The following YAE1 variants were observed in gnomAD, a reference collection of about 807,000 sequenced individuals.
YAE1 encodes protein YAE1 homolog.
In YAE1, 22 loss-of-function variants were observed where a neutral mutation model predicts 23.0. The ratio of observed to expected loss-of-function variants is 0.96; its 90% CI spans 0.68 to 1.37. The LOEUF (loss-of-function observed/expected upper bound fraction) is 1.37, where lower values mean the gene tolerates loss of function less well. YAE1 is among the 40% of genes most tolerant of loss of function. The probability of loss-of-function intolerance (pLI) is 0.00; values close to 1 mark genes in which losing one functional copy is unlikely to be tolerated. For synonymous variants in YAE1, 101 were observed against 97.0 expected (o/e 1.04, Z -0.24); for missense variants, 260 against 262.1 (o/e 0.99, Z 0.06).
Position 39,570,583 on chromosome 7 carries a change from T to G in YAE1, c.207T>G (p.Gly69=), listed in dbSNP as rs1336719981. 6.2e-7 allele frequency: 1 copy of G among 1,608,056 alleles called. No homozygotes were observed. The highest frequency in any genetic ancestry group is 1.1e-5 in the South Asian group (1 of 89,314). Residue 69 remains glycine (G), a synonymous_variant, in exon 2 of 3, where the codon GGT becomes GGG. Transcript: ENST00000223273. ...QQGFNQGYKK[G]AEVILNYGRL... ...GCTTCAATCAAGGTTATAAGAAAGG[T>G]GCAGAAGTCATTTTAAACTATGGAC...
intron 2 of YAE1, among the ~76,000 whole-genome samples, chr7:39,589,004 G>A (rs925683694): frequency 6.6e-6 from 1 of 151,894 alleles, no homozygotes; most frequent in Non-Finnish European, 1.5e-5. Flanking sequence ...TGTATTTTTA[G>A]TAGAGACAGG....
At chr7:39,593,279 G>A (rs190834296) in intron 2 of YAE1, among the ~76,000 whole-genome samples, 2 of 136,818 alleles carry the variant, frequency 1.5e-5, no homozygotes, top group Admixed American at 8.7e-5. Context: ...CTAAGTCCTG[G>A]GTTCGAGTTA....
At chr7:39,586,452 G>A (rs1171748554) in intron 2 of YAE1, among the ~76,000 whole-genome samples, 1 of 150,688 alleles carries the variant, frequency 6.6e-6, no homozygotes, top group Non-Finnish European at 1.5e-5. Flanking sequence ...GATTACAGGG[G>A]TGAGCCACCG....
intron 2 of YAE1, among the ~76,000 whole-genome samples, chr7:39,593,310 G>T (rs1019106070): frequency 3.4e-5 from 5 of 147,668 alleles, no homozygotes; most frequent in African/African-American, 1.3e-4. Flanking sequence ...TCAGCCTTCC[G>T]AGTAGCTGGA....
At chr7:39,591,803 G>T (rs933206528) in intron 2 of YAE1, among the ~76,000 whole-genome samples, 1 of 152,080 alleles carries the variant, frequency 6.6e-6, no homozygotes, top group Non-Finnish European at 1.5e-5. Context: ...TATTTCCACT[G>T]CCCTAAAAAA....
At position 39,587,142 on chromosome 7, in the gene YAE1, C is replaced by T. The variant is rs551213301; in HGVS notation, c.251+16515C>T. ...TGTGATCTTGGCTCACTGCAACCTC[C>T]GCCTCCCAGGTTGAAGTGATTCTCC... On this transcript the variant is annotated intron_variant, in intron 2 of 2. Coordinates refer to the YAE1 transcript ENST00000432096. 2.7e-4 allele frequency among the ~76,000 whole-genome samples: 41 copies of T among 151,936 alleles called. No homozygotes were observed. The East Asian group carries it at 7.6e-3, about 28-fold the overall frequency.
At chr7:39,576,482 C>T (rs1372442262), downstream of YAE1, among the ~76,000 whole-genome samples, 1 of 152,216 alleles carries the variant, frequency 6.6e-6, no homozygotes, top group African/African-American at 2.4e-5. Context: ...GCACACTACA[C>T]TTCTTTACAG....
rs539356692 is a variant in YAE1 at position 39,566,840 on chromosome 7, G to A, written c.129+293G>A. ...AGTTTGTTGAGGATCACAGGGAAAG[G>A]AGCTGGAGAGAAACATACACTATAC... On this transcript the variant is annotated intron_variant, in intron 1 of 2. Coordinates refer to ENST00000223273, the MANE Select transcript of YAE1 (RefSeq NM_020192.5). 208 of 318,384 alleles carry A rather than the reference G, an allele frequency of 6.5e-4. 3 individuals are homozygous for A. In the East Asian group the frequency reaches 0.014, roughly 21 times the overall value. 19.7% of individuals were successfully genotyped at this position (318,384 alleles called of 1,614,324 possible). A position where few individuals can be genotyped will look rare whatever the true frequency, so the allele number is the denominator to read the frequency against.
downstream of YAE1, among the ~76,000 whole-genome samples, chr7:39,575,581 A>AGTGTGTGT (rs1179474179): frequency 7.0e-4 from 74 of 105,444 alleles, no homozygotes; most frequent in African/African-American, 4.0e-3. Context: ...AGAGAGAGTG[A>AGTGTGTGT]GTGTGTGTGT....
At chr7:39,570,319 A>G (rs1364113038) in intron 1 of YAE1, 187 bp from the exon 2 acceptor site, 1 of 719,656 alleles carries the variant, frequency 1.4e-6, no homozygotes, top group African/African-American at 1.8e-5. Context: ...TGGGATAAGT[A>G]ATGATAAACC....
chr7:39,569,119 A>G (rs187401641), intron 1 of YAE1, among the ~76,000 whole-genome samples: 1 of 152,330 alleles, frequency 6.6e-6, no homozygotes, highest in East Asian at 1.9e-4. Context: ...GTTATTATTA[A>G]ACAAATATAC....
intron 1 of YAE1, chr7:39,570,124 G>T: frequency 1.1e-6 from 1 of 904,496 alleles, no homozygotes; most frequent in Non-Finnish European, 1.8e-6. Context: ...TCTGCCGCCT[G>T]TGGGTCCAGG....
At chr7:39,575,951 C>T (rs904323190), downstream of YAE1, among the ~76,000 whole-genome samples, 1 of 152,110 alleles carries the variant, frequency 6.6e-6, no homozygotes, top group Non-Finnish European at 1.5e-5. Flanking sequence ...TTTTCTTGTC[C>T]GCTCATTACT....
At chr7:39,568,859 G>A (rs1308838332) in intron 1 of YAE1, among the ~76,000 whole-genome samples, 1 of 152,114 alleles carries the variant, frequency 6.6e-6, no homozygotes, top group African/African-American at 2.4e-5. Flanking sequence ...GTTTTTATTA[G>A]TTGCATAACT....
At chr7:39,583,133 A>G (rs1037118713) in intron 2 of YAE1, among the ~76,000 whole-genome samples, 2 of 152,246 alleles carry the variant, frequency 1.3e-5, no homozygotes, top group African/African-American at 4.8e-5. Context: ...AATTATTATA[A>G]CATCCACTCA....
Position 39,572,647 on chromosome 7 carries a change from AG to A in YAE1, c.623del (p.Ser208IlefsTer2). On this transcript the variant is annotated frameshift_variant, in exon 3 of 3. Transcript: ENST00000223273. LOFTEE classifies it high-confidence loss of function. ...SPTWILEQTA[S>X]LVKQLGLSVD... ...CACATGGATTTTGGAACAGACAGCC[AG>A]TTTAGTTAAACAGCTGGGCCTATCA... The A allele has an allele frequency of 6.2e-7, 1 of 1,613,592 alleles. No individual in the cohort carries two copies. The highest frequency in any genetic ancestry group is 8.5e-7 in the Non-Finnish European group (1 of 1,179,784).
chr7:39,570,405 G>A, intron 1 of YAE1, 101 bp from the exon 2 acceptor site: 1 of 1,380,584 alleles, frequency 7.2e-7, no homozygotes, highest in Non-Finnish European at 1.0e-6. Context: ...ACACAGTAAA[G>A]GCCTAATTCA....
chr7:39,604,918 ATCT>A (rs377328642), intron 2 of YAE1, among the ~76,000 whole-genome samples: 44 of 152,330 alleles, frequency 2.9e-4, no homozygotes, highest in African/African-American at 1.0e-3. Context: ...ATATAACAGA[ATCT>A]TCATTTGTTT....
At chr7:39,576,859 A>G (rs1487308224), downstream of YAE1, among the ~76,000 whole-genome samples, 1 of 152,200 alleles carries the variant, frequency 6.6e-6, no homozygotes, top group African/African-American at 2.4e-5. Context: ...CAGGATTCCA[A>G]AATACATCGT....
Sources: gnomAD v4.1 joint callset for allele counts (sites outside exome capture counted in the v4.1 genomes callset) on GRCh38, gnomAD v4.1.1 for gene constraint, MANE v1.5 for transcripts, NCBI Gene and HGNC (gene_info 2026-07-23, HGNC 2026-07-21) for gene names.